GFPT2: variants seen among roughly 807,000 people sequenced by gnomAD.
The protein encoded by GFPT2 is glutamine--fructose-6-phosphate transaminase 2.
GFPT2 carries 62 observed loss-of-function variants against 85.6 expected under a neutral mutation model. The observed-to-expected ratio is 0.72, with a 90% confidence interval of 0.59 to 0.90. The LOEUF (loss-of-function observed/expected upper bound fraction) is 0.90. Among genes scored for constraint, GFPT2 ranks in the 40% least tolerant of loss-of-function variants. GFPT2 has a pLI of 0.00. For missense variants in GFPT2, 788 were observed against 893.4 expected (o/e 0.88, Z 1.50); for synonymous variants, 368 against 344.5 (o/e 1.07, Z -0.75).
At chr5:180,317,546 T>C (rs1400162853) in intron 10 of GFPT2, among the ~76,000 whole-genome samples, 1 of 144,966 alleles carries the variant, frequency 6.9e-6, no homozygotes, top group Non-Finnish European at 1.5e-5. Context: ...GATCACGAAG[T>C]CAGGAGATCG....
In GFPT2 at chr5:180,330,551, G is replaced by T; in HGVS notation, c.534+149C>A. The T allele has an allele frequency of 1.6e-6, 1 of 633,964 alleles. No individual in the cohort carries two copies. Among genetic ancestry groups the T allele is most frequent in the Non-Finnish European group, 2.8e-6 (1 of 363,306 alleles). 39.3% of individuals were successfully genotyped at this position (633,964 alleles called of 1,614,324 possible). A position where few individuals can be genotyped will look rare whatever the true frequency, so the allele number is the denominator to read the frequency against. On this transcript the variant is annotated intron_variant, in intron 6 of 18. Coordinates refer to ENST00000253778, the MANE Select transcript of GFPT2 (RefSeq NM_005110.4). The surrounding 1 kb of genome is among the most constrained non-coding windows in gnomAD (Gnocchi z 4.4). ...CATCTTAAGGCCAGGCTCTGCAGAT[G>T]GGCTGTCTTTTATCCCCAGGACTCT...
intron 1 of GFPT2, among the ~76,000 whole-genome samples, chr5:180,343,534 T>G (rs1764557920): frequency 6.6e-6 from 1 of 152,254 alleles, no homozygotes; most frequent in Non-Finnish European, 1.5e-5. Flanking sequence ...CGAGCCCTCT[T>G]GCGTAGTGAC....
intron 3 of GFPT2, 146 bp downstream of exon 3, chr5:180,336,333 C>T (rs1392986280): frequency 5.8e-6 from 4 of 694,890 alleles, no homozygotes; most frequent in East Asian, 2.5e-5. Flanking sequence ...CTGCGAAGCC[C>T]GGTTTTACAG....
At chr5:180,305,935 G>A (rs946916563) in intron 16 of GFPT2, among the ~76,000 whole-genome samples, 18 of 151,616 alleles carry the variant, frequency 1.2e-4, no homozygotes, top group African/African-American at 4.1e-4. Context: ...GAATGTTTCC[G>A]GTAACCACTT....
At chr5:180,348,418 G>A (rs1391425095) in intron 1 of GFPT2, among the ~76,000 whole-genome samples, 1 of 152,260 alleles carries the variant, frequency 6.6e-6, no homozygotes, top group African/African-American at 2.4e-5. Context: ...ACTGGGAAAG[G>A]TCACTTGGTG....
rs2127652136 is a variant in GFPT2 at position 180,323,846 on chromosome 5, C to T, written c.794+342G>A. 6.6e-6 allele frequency among the ~76,000 whole-genome samples: 1 copy of T among 152,362 alleles called. No homozygotes were observed. Among genetic ancestry groups the T allele is most frequent in the South Asian group, 2.1e-4 (1 of 4,832 alleles). ...AGAGGGCTGCACAGCATGCCCCGAT[C>T]TGCTAGTTCTTCCAGAGAAGCTAGA... On this transcript the variant is annotated intron_variant, in intron 9 of 18. Transcript: ENST00000253778. This position sits in a 1 kb window ranked among gnomAD's most constrained non-coding sequence, Gnocchi z 4.0.
chr5:180,352,166 G>T (rs188560342), intron 1 of GFPT2, among the ~76,000 whole-genome samples: 7 of 151,974 alleles, frequency 4.6e-5, no homozygotes, highest in African/African-American at 1.4e-4. Flanking sequence ...CCCTTCTGCC[G>T]AGCAGCTGGC....
At chr5:180,305,983 C>T (rs1347499413) in intron 16 of GFPT2, among the ~76,000 whole-genome samples, 2 of 138,752 alleles carry the variant, frequency 1.4e-5, no homozygotes, top group Admixed American at 7.3e-5. Context: ...TTCTTTCTTT[C>T]TTTTTTTTTT....
intron 2 of GFPT2, among the ~76,000 whole-genome samples, chr5:180,338,103 T>A (rs1764438255): frequency 6.6e-6 from 1 of 152,030 alleles, no homozygotes; most frequent in South Asian, 2.1e-4. Flanking sequence ...CCAGCCTGAG[T>A]AACAAAAATA....
In GFPT2 at chr5:180,301,436, C is replaced by A; in HGVS notation, c.*128G>T. On this transcript the variant is annotated 3_prime_UTR_variant, in exon 19 of 19. Coordinates refer to ENST00000253778, the MANE Select transcript of GFPT2 (RefSeq NM_005110.4). ...CACTTGGGTAGAAGGCACGTGGAAG[C>A]TGTCAAGCTCTACAGGAGCACGCAG... 1 of 805,772 alleles carries A rather than the reference C, an allele frequency of 1.2e-6. No homozygotes were observed. Among genetic ancestry groups the A allele is most frequent in the Admixed American group, 2.0e-5 (1 of 49,218 alleles). The allele number at this position is 805,772 out of a possible 1,614,324, so 49.9% of individuals were successfully genotyped here.
chr5:180,321,630 G>A (rs1411352592), intron 9 of GFPT2, among the ~76,000 whole-genome samples: 1 of 152,276 alleles, frequency 6.6e-6, no homozygotes, highest in Non-Finnish European at 1.5e-5. Context: ...AAGCTGGACA[G>A]TGTGCTCACA....
rs1021560084 is a variant in GFPT2 at position 180,331,740 on chromosome 5, C to T, written c.341-187G>A. 3 of 625,020 alleles carry T rather than the reference C, an allele frequency of 4.8e-6. No homozygotes were observed. In the Admixed American group the frequency reaches 8.2e-5, roughly 17 times the overall value. 38.7% of individuals were successfully genotyped at this position (625,020 alleles called of 1,614,324 possible). A position where few individuals can be genotyped will look rare whatever the true frequency, so the allele number is the denominator to read the frequency against. ...CAACTACAGTGGAACCAGGGATTAG[C>T]ACCAGGGATGTCTAGGGCAGCGGCT... On this transcript the variant is annotated intron_variant, in intron 4 of 18. Transcript: ENST00000253778.
intron 9 of GFPT2, 50 bp from the exon 10 acceptor site, chr5:180,319,006 G>A (rs371946471): frequency 1.1e-5 from 18 of 1,571,368 alleles, no homozygotes; most frequent in South Asian, 3.3e-5. Flanking sequence ...GAGCAGTTAC[G>A]AGGCAGCAGC....
At chr5:180,319,645 G>C (rs1030434804) in intron 9 of GFPT2, among the ~76,000 whole-genome samples, 1 of 152,182 alleles carries the variant, frequency 6.6e-6, no homozygotes, top group Non-Finnish European at 1.5e-5. Context: ...GATGGATAAG[G>C]CTGGCAACAC....
chr5:180,319,660 A>G (rs1373154907), intron 9 of GFPT2, among the ~76,000 whole-genome samples: 1 of 152,082 alleles, frequency 6.6e-6, no homozygotes, highest in Non-Finnish European at 1.5e-5. Context: ...CAACACTCAA[A>G]CCCCTGATGG....
chr5:180,304,709 T>G (rs1581365414), intron 17 of GFPT2, 63 bp downstream of exon 17: 2 of 1,384,948 alleles, frequency 1.4e-6, no homozygotes, highest in Non-Finnish European at 2.0e-6. Context: ...CAGACAGTGG[T>G]GAGGTGGGCA....
In GFPT2 at chr5:180,336,461, C is replaced by T. The variant is rs958635825; in HGVS notation, c.214+18G>A. 1 of 1,410,780 alleles carries T rather than the reference C, an allele frequency of 7.1e-7. No homozygotes were observed. The highest frequency in any genetic ancestry group is 1.4e-5 in the African/African-American group (1 of 71,192). The allele number at this position is 1,410,780 out of a possible 1,614,324, so 87.4% of individuals were successfully genotyped here. A position where few individuals can be genotyped will look rare whatever the true frequency, so the allele number is the denominator to read the frequency against. Reference sequence around the variant, plus strand: ...CGGCGCTGCAGCGGCTCCTCCCACTCAGAGGTCCTCCACTTACTGTAAAGT... The same window carrying T: ...CGGCGCTGCAGCGGCTCCTCCCACTTAGAGGTCCTCCACTTACTGTAAAGT... On this transcript the variant is annotated intron_variant, in intron 3 of 18. Transcript: ENST00000253778.
intron 4 of GFPT2, among the ~76,000 whole-genome samples, chr5:180,335,620 C>A (rs532428526): frequency 6.6e-6 from 1 of 152,364 alleles, no homozygotes; most frequent in East Asian, 1.9e-4. Flanking sequence ...GAGGCCAGCA[C>A]CACCCTAGGA....
chr5:180,315,320 G>A (rs968449300), intron 13 of GFPT2, among the ~76,000 whole-genome samples: 1 of 152,110 alleles, frequency 6.6e-6, no homozygotes, highest in Non-Finnish European at 1.5e-5. Context: ...CGGGACTACA[G>A]GCGCCCGCCA....
Sources: gnomAD v4.1 joint callset for allele counts (sites outside exome capture counted in the v4.1 genomes callset) on GRCh38, gnomAD v4.1.1 for gene constraint, Gnocchi (gnomAD v3.1) non-coding constraint, MANE v1.5 for transcripts, NCBI Gene and HGNC (gene_info 2026-07-23, HGNC 2026-07-21) for gene names.